ZNF521: variants seen among roughly 807,000 people sequenced by gnomAD.
ZNF521 encodes zinc finger protein 521.
ZNF521 carries 14 observed loss-of-function variants against 105.5 expected under a neutral mutation model. The observed-to-expected ratio is 0.13, with a 90% CI of 0.09 to 0.21. ZNF521 has a LOEUF of 0.21. Among genes scored for constraint, ZNF521 ranks in the 10% least tolerant of loss-of-function variants. ZNF521 has a pLI of 1.00. For missense variants in ZNF521, 1,233 were observed against 1,629.7 expected (o/e 0.76, Z 4.19); for synonymous variants, 635 against 606.0 (o/e 1.05, Z -0.70).
chr18:25,099,440 C>T (rs757262055), intron 5 of ZNF521, among the ~76,000 whole-genome samples: 14 of 151,986 alleles, frequency 9.2e-5, no homozygotes, highest in Non-Finnish European at 1.5e-4. Context: ...AACAAAGTAG[C>T]TGTCTAATTT....
At chr18:25,111,151 C>G (rs1204627942) in intron 5 of ZNF521, among the ~76,000 whole-genome samples, 2 of 152,046 alleles carry the variant, frequency 1.3e-5, no homozygotes, top group Non-Finnish European at 2.9e-5. Flanking sequence ...AGCTTCCTCC[C>G]TAGGCAGTCT....
chr18:25,214,595 T>C (rs1009450868), intron 4 of ZNF521, among the ~76,000 whole-genome samples: 1 of 152,190 alleles, frequency 6.6e-6, no homozygotes, highest in African/African-American at 2.4e-5. Flanking sequence ...GTATTTATCC[T>C]TCAGTTTTCA....
chr18:25,167,404 C>CA (rs2035363588), intron 5 of ZNF521, among the ~76,000 whole-genome samples: 2 of 152,054 alleles, frequency 1.3e-5, no homozygotes, highest in African/African-American at 4.8e-5. Flanking sequence ...TAAAATACTC[C>CA]AAAATGACAG....
At chr18:25,178,293 T>G (rs1381440722) in intron 5 of ZNF521, among the ~76,000 whole-genome samples, 1 of 152,234 alleles carries the variant, frequency 6.6e-6, no homozygotes, top group African/African-American at 2.4e-5. Context: ...TTAGACAACA[T>G]GTGCGCTATT....
intron 5 of ZNF521, among the ~76,000 whole-genome samples, chr18:25,177,465 T>C (rs1337016123): frequency 6.6e-6 from 1 of 152,006 alleles, no homozygotes; most frequent in Non-Finnish European, 1.5e-5. Flanking sequence ...GATTTTAATA[T>C]GGAGTTTAAA....
At chr18:25,161,695 T>C (rs2035253826) in intron 5 of ZNF521, among the ~76,000 whole-genome samples, 1 of 152,216 alleles carries the variant, frequency 6.6e-6, no homozygotes, top group South Asian at 2.1e-4. Context: ...CACACACTGA[T>C]GCGTTAACTT....
At chr18:25,345,872 C>T (rs913668948) in intron 2 of ZNF521, among the ~76,000 whole-genome samples, 5 of 152,106 alleles carry the variant, frequency 3.3e-5, no homozygotes, top group Admixed American at 6.6e-5. Context: ...ACTGTTTGAG[C>T]TTCTGCAGTG....
chr18:25,172,829 C>T (rs1316003302), intron 5 of ZNF521, among the ~76,000 whole-genome samples: 2 of 152,144 alleles, frequency 1.3e-5, no homozygotes. Context: ...TATATGTGAT[C>T]ATCCAAACCA....
chr18:25,089,657 G>T, intron 6 of ZNF521, 77 bp from the exon 7 acceptor site: 2 of 1,185,096 alleles, frequency 1.7e-6, no homozygotes, highest in Non-Finnish European at 2.5e-6. Flanking sequence ...TGCATGAACA[G>T]ACAGCAGGCC....
chr18:25,319,368 C>T (rs189812970), intron 3 of ZNF521, among the ~76,000 whole-genome samples: 8 of 152,174 alleles, frequency 5.3e-5, no homozygotes, highest in South Asian at 4.1e-4. Flanking sequence ...CCGAGGCAGG[C>T]GCATCACTTG....
At chr18:25,349,891 C>T (rs1914646161) in intron 2 of ZNF521, among the ~76,000 whole-genome samples, 1 of 151,064 alleles carries the variant, frequency 6.6e-6, no homozygotes. Context: ...GGTTCCCCGT[C>T]CTGCCCGCGC....
chr18:25,332,363 G>T (rs1387246313), intron 2 of ZNF521, among the ~76,000 whole-genome samples: 7 of 131,988 alleles, frequency 5.3e-5, no homozygotes, highest in Admixed American at 5.2e-4. Flanking sequence ...AAAAAAAAAA[G>T]AGGCTGTGAT....
chr18:25,227,145 G>A lies in ZNF521; in HGVS notation c.773C>T (p.Pro258Leu), dbSNP rs1336766755. The A allele has an allele frequency of 2.5e-6, 4 of 1,614,084 alleles. No individual in the cohort carries two copies. The highest frequency in any genetic ancestry group is 1.1e-5 in the South Asian group (1 of 91,078). ...TGCAATGTGTTTTTGGAGGTCTTCC[G>A]GGAAGTCAAAGCCTTCCTCACACTG... ...CSQCEEGFDF[P>L]EDLQKHIAEC... Residue 258 changes from proline to leucine, a missense_variant, in exon 4 of 8, where the codon CCG (proline) becomes CTG (leucine). By Grantham distance (98) the Pro-to-Leu change is moderately conservative. This residue lies in a region of ZNF521 where 380 missense variants were observed against 478.0 expected (regional missense o/e 0.80). Coordinates refer to ENST00000361524, the MANE Select transcript of ZNF521 (RefSeq NM_015461.3). This position sits in a 1 kb window ranked among gnomAD's most constrained non-coding sequence, Gnocchi z 5.7.
At chr18:25,206,047 A>G (rs2036073645) in intron 4 of ZNF521, among the ~76,000 whole-genome samples, 1 of 152,098 alleles carries the variant, frequency 6.6e-6, no homozygotes, top group Non-Finnish European at 1.5e-5. Context: ...TCTGTCACAC[A>G]GGCTGGAGTG....
At chr18:25,096,692 C>T (rs2033858499) in intron 5 of ZNF521, among the ~76,000 whole-genome samples, 1 of 152,160 alleles carries the variant, frequency 6.6e-6, no homozygotes, top group Non-Finnish European at 1.5e-5. Flanking sequence ...ATCAACGCTA[C>T]AGCCATTACT....
At chr18:25,176,190 G>T (rs2035531605) in intron 5 of ZNF521, among the ~76,000 whole-genome samples, 1 of 152,076 alleles carries the variant, frequency 6.6e-6, no homozygotes, top group Admixed American at 6.5e-5. Flanking sequence ...GTAATAAACT[G>T]GCAGCAATTA....
intron 3 of ZNF521, among the ~76,000 whole-genome samples, chr18:25,262,924 C>A (rs1284540100): frequency 6.6e-6 from 1 of 152,142 alleles, no homozygotes; most frequent in East Asian, 1.9e-4. Flanking sequence ...CAGCTTTGTC[C>A]ATTGCAAACT....
intron 5 of ZNF521, among the ~76,000 whole-genome samples, chr18:25,102,673 G>C (rs1434450070): frequency 6.6e-6 from 1 of 152,044 alleles, no homozygotes; most frequent in Non-Finnish European, 1.5e-5. Context: ...GTGCTGCCAT[G>C]CATGGCCTGA....
At chr18:25,168,075 T>C (rs1426032072) in intron 5 of ZNF521, among the ~76,000 whole-genome samples, 1 of 152,140 alleles carries the variant, frequency 6.6e-6, no homozygotes, top group Admixed American at 6.5e-5. Flanking sequence ...GCAGATCCAT[T>C]TCCTCTCTCC....
Sources: gnomAD v4.1 joint callset for allele counts (sites outside exome capture counted in the v4.1 genomes callset) on GRCh38, gnomAD v4.1.1 for gene constraint, gnomAD v4.1.1 regional missense constraint, Gnocchi (gnomAD v3.1) non-coding constraint, MANE v1.5 for transcripts, NCBI Gene and HGNC (gene_info 2026-07-23, HGNC 2026-07-21) for gene names.